The following KDR variants were observed in gnomAD, a reference collection of about 807,000 sequenced individuals.
KDR encodes the protein vascular endothelial growth factor receptor 2.
KDR carries 43 observed loss-of-function variants against 160.9 expected under a neutral mutation model. That is an observed-to-expected ratio of 0.27 (90% CI 0.21 to 0.34). The LOEUF is 0.34. Among genes scored for constraint, KDR ranks in the 10% least tolerant of loss-of-function variants. The pLI is 1.00. For missense variants in KDR, 1,469 were observed against 1,666.4 expected, an observed-to-expected ratio of 0.88 and a Z score of 2.06; for synonymous variants, 617 against 600.1, an observed-to-expected ratio of 1.03 and a Z score of -0.41.
chr4:55,102,306 G>C (rs905203251), intron 14 of KDR, 56 bp downstream of exon 14: 16 of 1,572,492 alleles, frequency 1.0e-5, no homozygotes, highest in Non-Finnish European at 1.3e-5. Flanking sequence ...TGGCTTTTTA[G>C]ATAACATCCC....
At chr4:55,098,506 T>G (rs1372614077) in intron 16 of KDR, among the ~76,000 whole-genome samples, 191 bp downstream of exon 16, 1 of 152,074 alleles carries the variant, frequency 6.6e-6, no homozygotes, top group African/African-American at 2.4e-5. Flanking sequence ...CCTTTTCCTC[T>G]CTAGTGGCTT....
At chr4:55,092,755 G>T in intron 21 of KDR, 41 bp from the exon 22 acceptor site, 3 of 1,330,764 alleles carry the variant, frequency 2.3e-6, no homozygotes, top group Middle Eastern at 1.8e-4. Context: ...GTATTTCCAT[G>T]AGTTAGTGTG....
chr4:55,094,125 C>T (rs1720088994), intron 21 of KDR, among the ~76,000 whole-genome samples: 1 of 152,104 alleles, frequency 6.6e-6, no homozygotes, highest in African/African-American at 2.4e-5. Flanking sequence ...ACAAGAATCA[C>T]TTGAACCCAA....
At position 55,107,861 on chromosome 4, in the gene KDR, A is replaced by G. The variant is rs751558948; in HGVS notation, c.1288T>C (p.Ser430Pro). 2 of 1,613,944 alleles carry G rather than the reference A, an allele frequency of 1.2e-6. No homozygotes were observed. Among genetic ancestry groups the G allele is most frequent in the South Asian group, 2.2e-5 (2 of 91,086 alleles). Residue 430 changes from serine to proline, a missense_variant, in exon 10 of 30, where the codon TCT becomes CCT. Ser to Pro is a moderately conservative substitution (Grantham distance 74). Around this residue, in one of 7 missense-constraint regions of KDR, gnomAD observed 792 missense variants for 840.9 expected, o/e 0.94. Transcript: ENST00000263923. ...PPQIGEKSLI[S>P]PVDSYQYGTT... ...CCGTACTGGTAGGAATCCACAGGAG[A>G]GATTAGAGATTTCTCACCAATCTGG... is the stretch of plus-strand genomic sequence containing the variant.
intron 3 of KDR, among the ~76,000 whole-genome samples, chr4:55,117,586 C>A (rs936933490): frequency 6.6e-6 from 1 of 152,206 alleles, no homozygotes; most frequent in African/African-American, 2.4e-5. Context: ...GACCATATTA[C>A]ACTACTGAAA....
chr4:55,097,437 C>T, intron 18 of KDR, among the ~76,000 whole-genome samples: 1 of 152,262 alleles, frequency 6.6e-6, no homozygotes, highest in East Asian at 1.9e-4. Context: ...GGTAACCAGG[C>T]AAGAAGGTGA....
chr4:55,101,775 T>G (rs1374817284), intron 15 of KDR, 122 bp downstream of exon 15: 1 of 824,348 alleles, frequency 1.2e-6, no homozygotes, highest in Non-Finnish European at 2.0e-6. Flanking sequence ...TGTGTTAGTT[T>G]GCTGAGGATA....
rs565322828 is a variant in KDR, at chr4:55,094,837, T to C, written c.2936A>G (p.Glu979Gly). ...SQSSASSGFV[E>G]EKSLSDVEEE... is the part of the protein sequence containing the mutation. ...TTCTACATCACTGAGGGACTTCTCC[T>C]CCACAAATCCAGAGCTGGCTGAGCT... Residue 979 changes from glutamate (E) to glycine (G), a missense_variant, in exon 21 of 30, where the codon GAG (glutamate) becomes GGG (glycine). This residue lies in a region of KDR where 151 missense variants were observed against 207.2 expected (regional missense o/e 0.73). Transcript: ENST00000263923. The C allele has an allele frequency of 1.9e-6, 3 of 1,614,008 alleles. No individual in the cohort carries two copies. The African/African-American group carries it at 4.0e-5, about 22-fold the overall frequency.
At chr4:55,115,782 A>T (rs754635070) in intron 3 of KDR, among the ~76,000 whole-genome samples, 1 of 152,236 alleles carries the variant, frequency 6.6e-6, no homozygotes, top group Non-Finnish European at 1.5e-5. Context: ...GATAATATTT[A>T]CTTTAAAATT....
At chr4:55,082,172 A>G in intron 28 of KDR, 131 bp from the exon 29 acceptor site, 1 of 758,568 alleles carries the variant, frequency 1.3e-6, no homozygotes, top group Non-Finnish European at 2.3e-6. Flanking sequence ...TAAAGGTATC[A>G]TAGCCACAAA....
intron 7 of KDR, among the ~76,000 whole-genome samples, chr4:55,111,245 C>T (rs1477603783): frequency 6.6e-6 from 1 of 152,154 alleles, no homozygotes; most frequent in Non-Finnish European, 1.5e-5. Flanking sequence ...GCCCTGACTC[C>T]TCTGGGTTCC....
At chr4:55,087,521 C>T in intron 27 of KDR, 86 bp downstream of exon 27, 1 of 1,239,248 alleles carries the variant, frequency 8.1e-7, no homozygotes, top group East Asian at 2.4e-5. Context: ...CAGCCTTAGA[C>T]AAGGTCTTCC....
chr4:55,122,971 A>G (rs1720932615), intron 1 of KDR: 1 of 152,092 alleles, frequency 6.6e-6, no homozygotes, highest in South Asian at 2.1e-4. Flanking sequence ...GGGTCTCGCT[A>G]TGTTGCCCAG....
chr4:55,097,771 A>G lies in KDR; in HGVS notation c.2510-5T>C, dbSNP rs1300371326. ...CACCACGGCCAAGAGGCTTACCTAG[A>G]GTCAACAACAACAGCAACAAGAAAA... On this transcript the variant is annotated splice_polypyrimidine_tract_variant and splice_region_variant and intron_variant, in intron 17 of 29. Transcript: ENST00000263923. 1.9e-6 allele frequency: 3 copies of G among 1,595,754 alleles called. No homozygotes were observed. In the African/African-American group the frequency reaches 4.0e-5, roughly 21 times the overall value.
chr4:55,118,683 C>T lies in KDR; in HGVS notation c.279G>A (p.Val93=), dbSNP rs902467090. 7.4e-6 allele frequency: 12 copies of T among 1,614,046 alleles called. No homozygotes were observed. The highest frequency in any genetic ancestry group is 9.3e-6 in the Non-Finnish European group (11 of 1,180,016). ...TGTAGGCTCCAGTGTCATTTCCGAT[C>T]ACTTTTGGAATTGTGAGTGTCTTAC... ...LFCKTLTIPK[V]IGNDTGAYKC... The change falls in exon 3 of 30, where the codon GTG becomes GTA. Residue 93 remains valine, a synonymous_variant. Coordinates refer to ENST00000263923, the MANE Select transcript of KDR (RefSeq NM_002253.4).
intron 26 of KDR, among the ~76,000 whole-genome samples, chr4:55,088,304 T>A (rs1460154124): frequency 6.6e-6 from 1 of 152,222 alleles, no homozygotes; most frequent in African/African-American, 2.4e-5. Flanking sequence ...GAAGGTTTAT[T>A]GATAAAAATA....
Position 55,080,025 on chromosome 4 carries a change from C to T in KDR, c.3987G>A (p.Leu1329=), listed in dbSNP as rs754832363. 2 of 1,614,180 alleles carry T rather than the reference C, an allele frequency of 1.2e-6. No homozygotes were observed. Among genetic ancestry groups the T allele is most frequent in the East Asian group, 4.5e-5 (2 of 44,878 alleles). The change falls in exon 30 of 30, where the codon CTG becomes CTA. Residue 1329 remains leucine, a synonymous_variant. Coordinates refer to ENST00000263923, the MANE Select transcript of KDR (RefSeq NM_002253.4). The part of the protein sequence containing the change: ...YSSEEAELLK[L]IEIGVQTGST... ...TACCGGTTTGCACTCCAATCTCTAT[C>T]AGCTTTAAAAGTTCTGCTTCCTCAC...
intron 6 of KDR, 73 bp from the exon 7 acceptor site, chr4:55,113,554 G>T: frequency 2.2e-6 from 3 of 1,351,698 alleles, no homozygotes; most frequent in Non-Finnish European, 3.2e-6. Flanking sequence ...GTAACACACA[G>T]AATTAAATCT....
chr4:55,093,970 C>T (rs1720084484), intron 21 of KDR, among the ~76,000 whole-genome samples: 3 of 151,966 alleles, frequency 2.0e-5, no homozygotes, highest in East Asian at 1.9e-4. Flanking sequence ...GAGGCTGAGG[C>T]AGGCGGATCA....
Sources: gnomAD v4.1 joint callset for allele counts (sites outside exome capture counted in the v4.1 genomes callset) on GRCh38, gnomAD v4.1.1 for gene constraint, gnomAD v4.1.1 regional missense constraint, MANE v1.5 for transcripts, NCBI Gene and HGNC (gene_info 2026-07-23, HGNC 2026-07-21) for gene names.